The following ERC1 variants were observed in gnomAD, a reference collection of about 807,000 sequenced individuals.
ERC1 encodes the protein ELKS/RAB6-interacting/CAST family member 1, also known as RAB6 interacting protein 2.
Under a neutral mutation model 132.0 loss-of-function variants are expected in ERC1, and 56 were observed. The ratio of observed to expected loss-of-function variants is 0.42; its 90% CI spans 0.34 to 0.53. The LOEUF is 0.53. ERC1 is among the 20% of genes least tolerant of loss of function. The probability of loss-of-function intolerance (pLI) is 0.03; values close to 1 mark genes in which losing one functional copy is unlikely to be tolerated. For missense variants in ERC1, 1,202 were observed against 1,349.9 expected, an observed-to-expected ratio of 0.89 and a Z score of 1.72; for synonymous variants, 478 against 476.1, an observed-to-expected ratio of 1.00 and a Z score of -0.05.
At chr12:1,225,333 C>G (rs1032028835) in intron 12 of ERC1, among the ~76,000 whole-genome samples, 8 of 151,680 alleles carry the variant, frequency 5.3e-5, no homozygotes, top group African/African-American at 1.9e-4. Context: ...GCCTATAGTC[C>G]CAGCTACTTG....
intron 11 of ERC1, among the ~76,000 whole-genome samples, chr12:1,185,656 T>C (rs965791035): frequency 2.6e-5 from 4 of 152,078 alleles, no homozygotes; most frequent in African/African-American, 9.7e-5. Context: ...GTGAATGACA[T>C]TTTTATCACC....
intron 2 of ERC1, among the ~76,000 whole-genome samples, chr12:1,041,062 T>G (rs1479670477): frequency 6.6e-6 from 1 of 152,198 alleles, no homozygotes; most frequent in Non-Finnish European, 1.5e-5. Context: ...AGCTTTTGTT[T>G]ATGTAGGTTA....
At chr12:1,400,532 C>T (rs1184400040) in intron 16 of ERC1, among the ~76,000 whole-genome samples, 5 of 152,014 alleles carry the variant, frequency 3.3e-5, no homozygotes, top group African/African-American at 1.2e-4. Flanking sequence ...ATGTTTTGTT[C>T]TAAGAGTTTT....
chr12:1,152,311 T>G (rs1950911519), intron 8 of ERC1: 1 of 152,184 alleles, frequency 6.6e-6, no homozygotes. Context: ...TAAAAGCCCC[T>G]AAAATGATCC....
Position 1,162,094 on chromosome 12 carries a change from T to C in ERC1, c.1738-18446T>C, listed in dbSNP as rs538957871. Among the ~76,000 whole-genome samples, 156 of 152,202 alleles carry C rather than the reference T, an allele frequency of 1.0e-3. 1 individual carries two copies. Among genetic ancestry groups the C allele is most frequent in the Non-Finnish European group, 1.8e-3 (124 of 68,026 alleles). ...TGTCCACCCATAGTCTTCCTTGCTTTCTAAGTAGTATACATATTTGTATGC... is the reference window on the plus strand; with the variant it reads ...TGTCCACCCATAGTCTTCCTTGCTTCCTAAGTAGTATACATATTTGTATGC... On this transcript the variant is annotated intron_variant, in intron 8 of 18. Coordinates refer to ENST00000360905, the MANE Select transcript of ERC1 (RefSeq NM_178040.4).
At chr12:1,226,763 A>G (rs1332667457) in intron 12 of ERC1, among the ~76,000 whole-genome samples, 2 of 151,974 alleles carry the variant, frequency 1.3e-5, no homozygotes, top group African/African-American at 2.4e-5. Context: ...TGCAGCCTCC[A>G]CCTCCTGAGC....
intron 17 of ERC1, among the ~76,000 whole-genome samples, chr12:1,442,358 G>A (rs7975502): frequency 0.18 from 27,713 of 152,144 alleles, 5,296 homozygotes; most frequent in African/African-American, 0.49. Flanking sequence ...TTCTGTGACT[G>A]GCTGTGTTGA....
chr12:999,419 T>G (rs1961690795), intron 1 of ERC1, among the ~76,000 whole-genome samples: 1 of 152,146 alleles, frequency 6.6e-6, no homozygotes, highest in African/African-American at 2.4e-5. Context: ...TCTTAATTTG[T>G]TAAATGACAC....
chr12:1,220,628 T>C (rs1413748694), intron 12 of ERC1, among the ~76,000 whole-genome samples: 1 of 152,220 alleles, frequency 6.6e-6, no homozygotes, highest in African/African-American at 2.4e-5. Flanking sequence ...TCAGCAGGGA[T>C]TGGCAAACTA....
intron 16 of ERC1, among the ~76,000 whole-genome samples, chr12:1,390,435 T>A (rs1462368891): frequency 6.6e-6 from 1 of 152,180 alleles, no homozygotes; most frequent in Admixed American, 6.5e-5. Flanking sequence ...AAAGTTTAAT[T>A]TTTCAAATTG....
chr12:1,262,277 A>G (rs1050868408), intron 13 of ERC1, among the ~76,000 whole-genome samples: 4 of 152,222 alleles, frequency 2.6e-5, no homozygotes, highest in African/African-American at 9.6e-5. Flanking sequence ...TGTCTTCTTA[A>G]GATCTCTCCT....
Position 1,043,104 on chromosome 12 carries a change from C to T in ERC1, c.669+14532C>T, listed in dbSNP as rs538465262. Among the ~76,000 whole-genome samples the T allele has an allele frequency of 1.9e-4, 28 of 148,664 alleles. 1 individual carries two copies. Among genetic ancestry groups the T allele is most frequent in the Admixed American group, 1.6e-3 (23 of 14,792 alleles). On this transcript the variant is annotated intron_variant, in intron 2 of 18. Transcript: ENST00000360905. ...TCTCGCCCAGGCTGGAGTGCAGTGGCGCGATCTTGGCTGATTGCAACCTTT... is the reference window on the plus strand; with the variant it reads ...TCTCGCCCAGGCTGGAGTGCAGTGGTGCGATCTTGGCTGATTGCAACCTTT...
At chr12:1,485,402 A>G (rs1322573883) in intron 18 of ERC1, among the ~76,000 whole-genome samples, 3 of 150,770 alleles carry the variant, frequency 2.0e-5, no homozygotes, top group Non-Finnish European at 2.9e-5. Flanking sequence ...ACAGAGTTTC[A>G]CCACATTGGC....
chr12:1,401,398 A>G (rs2091056135), intron 16 of ERC1, among the ~76,000 whole-genome samples: 1 of 152,198 alleles, frequency 6.6e-6, no homozygotes, highest in East Asian at 1.9e-4. Flanking sequence ...GTAGAGCAGT[A>G]GAATCGTTTC....
chr12:1,018,029 C>T (rs964041400), intron 1 of ERC1, among the ~76,000 whole-genome samples: 8 of 152,068 alleles, frequency 5.3e-5, no homozygotes, highest in African/African-American at 1.9e-4. Flanking sequence ...GAGCTTATGC[C>T]ATCTTCTTGG....
At chr12:1,213,889 T>A (rs1958120462) in intron 12 of ERC1, among the ~76,000 whole-genome samples, 1 of 151,642 alleles carries the variant, frequency 6.6e-6, no homozygotes, top group African/African-American at 2.4e-5. Context: ...GGTGACAGAA[T>A]GAGACTCTGT....
chr12:1,094,022 ATTT>A (rs35812412), intron 3 of ERC1, among the ~76,000 whole-genome samples: 1 of 120,322 alleles, frequency 8.3e-6, no homozygotes, highest in Non-Finnish European at 1.7e-5. Context: ...TTAAAAAGAA[ATTT>A]TTTTTTTTTT....
At chr12:1,019,642 T>G (rs1318875477) in intron 1 of ERC1, among the ~76,000 whole-genome samples, 6 of 152,218 alleles carry the variant, frequency 3.9e-5, no homozygotes, top group African/African-American at 1.4e-4. Flanking sequence ...CTTACCCATC[T>G]GGAGAATCAT....
chr12:1,201,049 T>TA (rs1956868132), intron 12 of ERC1, among the ~76,000 whole-genome samples: 1 of 152,212 alleles, frequency 6.6e-6, no homozygotes, highest in Admixed American at 6.5e-5. Flanking sequence ...TTTCCTTCTG[T>TA]AAAAATGTAA....
Sources: gnomAD v4.1 joint callset for allele counts (sites outside exome capture counted in the v4.1 genomes callset) on GRCh38, gnomAD v4.1.1 for gene constraint, MANE v1.5 for transcripts, NCBI Gene and HGNC (gene_info 2026-07-23, HGNC 2026-07-21) for gene names.